Variants in NRP1 observed in about 807,000 individuals in gnomAD.
NRP1 encodes neuropilin-1.
Under a neutral mutation model 106.7 loss-of-function variants are expected in NRP1, and 35 were observed. That is an observed-to-expected ratio of 0.33 (90% confidence interval 0.25 to 0.43). NRP1 has a LOEUF of 0.43. Among genes scored for constraint, NRP1 ranks in the 20% least tolerant of loss-of-function variants. The probability of loss-of-function intolerance (pLI) is 1.00; values close to 1 mark genes in which losing one functional copy is unlikely to be tolerated. For synonymous variants in NRP1, 437 were observed against 417.9 expected (o/e 1.05, Z -0.56); for missense variants, 1,024 against 1,170.4 (o/e 0.87, Z 1.83).
chr10:33,295,150 TTGA>T (rs1392623993), intron 2 of NRP1, among the ~76,000 whole-genome samples: 1 of 152,190 alleles, frequency 6.6e-6, no homozygotes, highest in East Asian at 1.9e-4. Context: ...TATGTTTGTG[TTGA>T]TGATTGAATG....
At chr10:33,241,171 G>A (rs1246401687) in intron 6 of NRP1, among the ~76,000 whole-genome samples, 3 of 152,176 alleles carry the variant, frequency 2.0e-5, no homozygotes, top group Non-Finnish European at 2.9e-5. Flanking sequence ...ATGTGTGGAG[G>A]TAGAAAATGA....
intron 15 of NRP1, among the ~76,000 whole-genome samples, chr10:33,185,056 A>T (rs1835913114): frequency 6.6e-6 from 1 of 152,234 alleles, no homozygotes; most frequent in Admixed American, 6.5e-5. Flanking sequence ...ACATCCACCT[A>T]GTACAAGACC....
chr10:33,297,414 G>C (rs1320263598), intron 2 of NRP1, among the ~76,000 whole-genome samples: 1 of 152,110 alleles, frequency 6.6e-6, no homozygotes, highest in Non-Finnish European at 1.5e-5. Context: ...GGCTGGGAGC[G>C]GTGGCTCACG....
At chr10:33,195,977 G>A (rs1836755014) in intron 12 of NRP1, among the ~76,000 whole-genome samples, 1 of 152,108 alleles carries the variant, frequency 6.6e-6, no homozygotes, top group South Asian at 2.1e-4. Flanking sequence ...GACCACAGTA[G>A]ACTCTGTGAC....
intron 6 of NRP1, among the ~76,000 whole-genome samples, chr10:33,237,857 A>G (rs1840706309): frequency 6.6e-6 from 1 of 151,996 alleles, no homozygotes; most frequent in Admixed American, 6.6e-5. Flanking sequence ...CGGCCCGATG[A>G]ATATTTTCCT....
intron 1 of NRP1, among the ~76,000 whole-genome samples, chr10:33,331,951 G>T (rs1316626685): frequency 6.6e-6 from 1 of 152,098 alleles, no homozygotes; most frequent in East Asian, 1.9e-4. Flanking sequence ...TTCAGTAATG[G>T]TAGATGTAGA....
intron 2 of NRP1, among the ~76,000 whole-genome samples, chr10:33,271,839 C>G (rs1201153264): frequency 6.6e-6 from 1 of 152,170 alleles, no homozygotes; most frequent in Admixed American, 6.5e-5. Context: ...TAGGAGCTTG[C>G]TCTTTCTTCT....
chr10:33,248,967 G>A (rs944545895), intron 6 of NRP1, among the ~76,000 whole-genome samples: 1 of 152,078 alleles, frequency 6.6e-6, no homozygotes, highest in African/African-American at 2.4e-5. Flanking sequence ...GTTTCAGCCC[G>A]AGTTGGTTTG....
chr10:33,305,021 T>G (rs181869319), intron 2 of NRP1, among the ~76,000 whole-genome samples: 1 of 152,376 alleles, frequency 6.6e-6, no homozygotes, highest in East Asian at 1.9e-4. Context: ...CATGATGGTG[T>G]GTTCTGCCAG....
chr10:33,315,149 G>GGA (rs1412821463), intron 2 of NRP1, among the ~76,000 whole-genome samples: 3 of 152,146 alleles, frequency 2.0e-5, no homozygotes, highest in African/African-American at 7.2e-5. Context: ...AACAGATTAT[G>GGA]GAGACGACTG....
chr10:33,182,592 G>A, intron 16 of NRP1, 106 bp downstream of exon 16: 1 of 777,938 alleles, frequency 1.3e-6, no homozygotes, highest in South Asian at 1.6e-5. Flanking sequence ...TTTTTTATTT[G>A]AACTTTTTGA....
intron 2 of NRP1, among the ~76,000 whole-genome samples, chr10:33,294,959 A>G (rs1845281718): frequency 6.6e-6 from 1 of 152,216 alleles, no homozygotes; most frequent in South Asian, 2.1e-4. Context: ...ATACTACATC[A>G]ACTTTGGGCA....
intron 7 of NRP1, among the ~76,000 whole-genome samples, chr10:33,225,662 C>T (rs746933065): frequency 2.6e-5 from 4 of 152,148 alleles, no homozygotes; most frequent in Non-Finnish European, 5.9e-5. Context: ...TGGTTCCACG[C>T]GTTCTTACAA....
At chr10:33,206,525 T>C (rs547196501) in intron 10 of NRP1, among the ~76,000 whole-genome samples, 4 of 152,260 alleles carry the variant, frequency 2.6e-5, no homozygotes, top group South Asian at 2.1e-4. Context: ...AAAAGTTTTA[T>C]GGTATTTAAT....
At chr10:33,266,068 G>A (rs1301414317) in intron 3 of NRP1, among the ~76,000 whole-genome samples, 1 of 152,046 alleles carries the variant, frequency 6.6e-6, no homozygotes, top group African/African-American at 2.4e-5. Flanking sequence ...GTAAGCCATG[G>A]TTTATTAGTA....
At chr10:33,199,091 A>C (rs1458764429) in intron 11 of NRP1, among the ~76,000 whole-genome samples, 2 of 151,900 alleles carry the variant, frequency 1.3e-5, no homozygotes, top group African/African-American at 2.4e-5. Flanking sequence ...GTGTTCTTAA[A>C]CTTGCCCAAC....
rs781186851 is a variant in NRP1, at chr10:33,213,446, C to A, written c.1554G>T (p.Gly518=). 1.9e-6 allele frequency: 3 copies of A among 1,614,016 alleles called. No homozygotes were observed. Among genetic ancestry groups the A allele is most frequent in the Middle Eastern group, 1.7e-4 (1 of 6,060 alleles). Residue 518 remains glycine, a synonymous_variant, in exon 9 of 17, where the codon GGG becomes GGT. Coordinates refer to ENST00000374867, the MANE Select transcript of NRP1 (RefSeq NM_003873.7). ...TCCAGTCCGAGCCGTTGTTGCTGTA[C>A]CCGATCTTGAACTTCCTCATGAACA... ...NKVFMRKFKI[G]YSNNGSDWKM... is the part of the protein sequence containing the mutation.
chr10:33,301,105 A>G (rs1845769690), intron 2 of NRP1, among the ~76,000 whole-genome samples: 1 of 152,194 alleles, frequency 6.6e-6, no homozygotes. Context: ...CACACAAAAC[A>G]ACACAAATGT....
intron 2 of NRP1, among the ~76,000 whole-genome samples, chr10:33,292,341 T>C (rs1037439461): frequency 2.6e-5 from 4 of 152,000 alleles, no homozygotes; most frequent in African/African-American, 9.7e-5. Flanking sequence ...CCAATTGTTC[T>C]TGGAAAGCAA....
Sources: allele counts gnomAD v4.1 joint callset (sites outside exome capture counted in the v4.1 genomes callset), GRCh38; gene constraint gnomAD v4.1.1; transcripts MANE v1.5; gene names NCBI Gene and HGNC (gene_info 2026-07-23, HGNC 2026-07-21).